Variants in THADA observed in about 807,000 individuals in gnomAD.
The protein encoded by THADA is THADA armadillo repeat containing, also known as tRNA (32-2'-O)-methyltransferase regulator THADA.
THADA carries 213 observed loss-of-function variants against 219.8 expected under a neutral mutation model. That is an observed-to-expected ratio of 0.97 (90% CI 0.87 to 1.09). THADA has a LOEUF of 1.09. Among genes scored for constraint, THADA ranks in the 50% least tolerant of loss-of-function variants. THADA has a pLI of 0.00. For missense variants in THADA, 2,956 were observed against 2,311.3 expected (o/e 1.28, Z -5.72); for synonymous variants, 1,018 against 828.9 (o/e 1.23, Z -3.92).
At chr2:43,264,207 A>G (rs1398455476) in intron 36 of THADA, among the ~76,000 whole-genome samples, 1 of 151,838 alleles carries the variant, frequency 6.6e-6, no homozygotes, top group Non-Finnish European at 1.5e-5. Context: ...AAGAAACTGA[A>G]GTCTGAATGT....
At chr2:43,439,923 T>TA (rs999890489) in intron 26 of THADA, among the ~76,000 whole-genome samples, 2 of 152,106 alleles carry the variant, frequency 1.3e-5, no homozygotes, top group Non-Finnish European at 2.9e-5. Context: ...GAAAGTCTTT[T>TA]AAAAAAAGAA....
At chr2:43,476,914 G>C (rs1558823324) in intron 26 of THADA, among the ~76,000 whole-genome samples, 1 of 152,138 alleles carries the variant, frequency 6.6e-6, no homozygotes, top group African/African-American at 2.4e-5. Context: ...TTCTCTCAAA[G>C]AGGCATTTTG....
chr2:43,568,669 G>A (rs773188178), intron 14 of THADA, among the ~76,000 whole-genome samples: 10 of 152,112 alleles, frequency 6.6e-5, no homozygotes, highest in South Asian at 2.1e-4. Context: ...GAAAGCAAAC[G>A]AGATATGCAT....
chr2:43,275,608 T>C (rs771579908), intron 36 of THADA, among the ~76,000 whole-genome samples: 7 of 152,302 alleles, frequency 4.6e-5, no homozygotes, highest in African/African-American at 9.6e-5. Context: ...CTCTGCAGTA[T>C]TTCCAGCTAA....
chr2:43,479,614 A>T (rs983113638), intron 26 of THADA, among the ~76,000 whole-genome samples: 2 of 127,292 alleles, frequency 1.6e-5, no homozygotes, highest in African/African-American at 3.8e-5. Flanking sequence ...GATAAATGTT[A>T]AAAAAAAAAA....
chr2:43,281,284 GTTGT>G (rs955299267), intron 35 of THADA, among the ~76,000 whole-genome samples: 1 of 152,034 alleles, frequency 6.6e-6, no homozygotes, highest in Non-Finnish European at 1.5e-5. Context: ...ATTCTTTCTA[GTTGT>G]TCTGTAAGGG....
chr2:43,407,746 C>CAGACAATGTGCT (rs1553431046), intron 28 of THADA, among the ~76,000 whole-genome samples: 3 of 151,412 alleles, frequency 2.0e-5, no homozygotes, highest in African/African-American at 4.9e-5. Context: ...TGCTAGATGC[C>CAGACAATGTGCT]AGGTACTTTA....
intron 28 of THADA, among the ~76,000 whole-genome samples, chr2:43,422,354 G>GA (rs149935666): frequency 2.0e-5 from 3 of 152,252 alleles, no homozygotes; most frequent in African/African-American, 7.2e-5. Context: ...ACTGTTTCCA[G>GA]ATGTTTGGTT....
intron 28 of THADA, among the ~76,000 whole-genome samples, chr2:43,409,313 A>G (rs958264725): frequency 6.6e-6 from 1 of 152,220 alleles, no homozygotes; most frequent in Non-Finnish European, 1.5e-5. Context: ...TTTTAAAAAT[A>G]ATAAAGTACA....
At chr2:43,478,863 T>C (rs7570242) in intron 26 of THADA, among the ~76,000 whole-genome samples, 25,193 of 152,176 alleles carry the variant, frequency 0.17, 2,875 homozygotes, top group African/African-American at 0.32. Context: ...AACCTAAGAA[T>C]GAACAAAAAC....
At chr2:43,482,582 A>G (rs1176124641) in intron 26 of THADA, among the ~76,000 whole-genome samples, 2 of 152,216 alleles carry the variant, frequency 1.3e-5, no homozygotes, top group South Asian at 2.1e-4. Context: ...TTATATTGTA[A>G]CAAACGCAGG....
chr2:43,428,626 A>C (rs149184594), intron 27 of THADA, among the ~76,000 whole-genome samples: 7 of 152,108 alleles, frequency 4.6e-5, no homozygotes, highest in Non-Finnish European at 8.8e-5. Flanking sequence ...TATGTATATG[A>C]AGTGAGACTC....
At chr2:43,258,410 T>C (rs1225503138) in intron 36 of THADA, among the ~76,000 whole-genome samples, 2 of 151,798 alleles carry the variant, frequency 1.3e-5, no homozygotes, top group African/African-American at 4.8e-5. Context: ...TAATCCCAGC[T>C]ACTTGGGAGG....
At chr2:43,258,425 G>C (rs766615759) in intron 36 of THADA, among the ~76,000 whole-genome samples, 4 of 152,162 alleles carry the variant, frequency 2.6e-5, no homozygotes, top group Non-Finnish European at 4.4e-5. Context: ...GGGAGGCTGA[G>C]GTGGGAGAAT....
chr2:43,466,317 T>C (rs549258129), intron 26 of THADA, among the ~76,000 whole-genome samples: 2 of 152,220 alleles, frequency 1.3e-5, no homozygotes, highest in Non-Finnish European at 2.9e-5. Context: ...AACCTTTCAC[T>C]ACCATCATCT....
chr2:43,277,936 C>T (rs1436440868), intron 36 of THADA, among the ~76,000 whole-genome samples: 1 of 148,736 alleles, frequency 6.7e-6, no homozygotes, highest in East Asian at 2.0e-4. Context: ...GATGGTAAAA[C>T]AAGACAATAT....
chr2:43,359,148 T>G (rs6743071), intron 29 of THADA, among the ~76,000 whole-genome samples: 13,846 of 152,288 alleles, frequency 0.091, 709 homozygotes, highest in African/African-American at 0.12. Flanking sequence ...CCAGGCAGTG[T>G]CTTAAGCAAA....
At chr2:43,300,130 G>A (rs917975133) in intron 31 of THADA, among the ~76,000 whole-genome samples, 2 of 150,928 alleles carry the variant, frequency 1.3e-5, no homozygotes, top group African/African-American at 4.9e-5. Flanking sequence ...TTAATGCTAC[G>A]AATAAAAATT....
rs565069805 is a variant in THADA, at chr2:43,541,374, A to G, written c.3107-58T>C. The G allele has an allele frequency of 2.5e-6, 4 of 1,588,504 alleles. No homozygotes were observed. The South Asian group carries it at 3.4e-5, about 14-fold the overall frequency. ...TTGATTACTCATATCCCAGGTTTCT[A>G]AAAACAAGCTTATTCATAATTTCCC... On this transcript the variant is annotated intron_variant, in intron 20 of 37. Coordinates refer to ENST00000405975, the MANE Select transcript of THADA (RefSeq NM_022065.5).
Sources: allele counts gnomAD v4.1 joint callset (sites outside exome capture counted in the v4.1 genomes callset), GRCh38; gene constraint gnomAD v4.1.1; transcripts MANE v1.5; gene names NCBI Gene and HGNC (gene_info 2026-07-23, HGNC 2026-07-21).